Variants in NCOR1 observed in about 807,000 individuals in gnomAD.
NCOR1 encodes the protein protein phosphatase 1, regulatory subunit 109.
In NCOR1, 63 loss-of-function variants were observed where a neutral mutation model predicts 288.1. That is an observed-to-expected ratio of 0.22 (90% CI 0.18 to 0.27). The LOEUF is 0.27. NCOR1 is among the 10% of genes least tolerant of loss of function. The probability of loss-of-function intolerance (pLI) is 1.00; values close to 1 mark genes in which losing one functional copy is unlikely to be tolerated. For missense variants in NCOR1, 2,397 were observed against 3,019.2 expected, an observed-to-expected ratio of 0.79 and a Z score of 4.83; for synonymous variants, 1,007 against 1,065.9, an observed-to-expected ratio of 0.94 and a Z score of 1.08.
rs752015595 is a variant in NCOR1, at chr17:16,054,070, T to TAA, written c.6392+3442_6392+3443dup. Among the ~76,000 whole-genome samples, 298 of 72,054 alleles carry TAA rather than the reference T, an allele frequency of 4.1e-3. 3 individuals are homozygous for TAA. The highest frequency in any genetic ancestry group is 0.014 in the East Asian group (39 of 2,726). The allele number at this position is 72,054 out of a possible 152,430, so 47.3% of individuals were successfully genotyped here. ...TCAAGATGGATTAAAGACTTAAATG[T>TAA]AAAAAAAAAAAAAAAAAAAAAAACT... is the stretch of plus-strand genomic sequence containing the variant. On this transcript the variant is annotated intron_variant, in intron 40 of 45. Coordinates refer to ENST00000268712, the MANE Select transcript of NCOR1 (RefSeq NM_006311.4).
rs59665102 is a variant in NCOR1 at position 16,183,230 on chromosome 17, C to CAA, written c.242+3322_242+3323dup. On this transcript the variant is annotated intron_variant, in intron 3 of 45. Transcript: ENST00000268712. ...AGAAGTACTAGCAAGAGCAATCAAA[C>CAA]AAAAAAAAAAAAAAAGAAAAGAAAA... is the stretch of plus-strand genomic sequence containing the variant. 3.2e-3 allele frequency among the ~76,000 whole-genome samples: 205 copies of CAA among 64,092 alleles called. 2 individuals carry two copies. Among genetic ancestry groups the CAA allele is most frequent in the African/African-American group, 8.7e-3 (190 of 21,766 alleles). 42.0% of individuals were successfully genotyped at this position (64,092 alleles called of 152,430 possible).
At chr17:16,145,268 G>A (rs1249343212) in intron 10 of NCOR1, among the ~76,000 whole-genome samples, 2 of 152,310 alleles carry the variant, frequency 1.3e-5, no homozygotes, top group Admixed American at 6.5e-5. Flanking sequence ...CCTCCCAGCC[G>A]CCTGCCTTGG....
chr17:16,104,401 G>A (rs541264424), intron 19 of NCOR1, among the ~76,000 whole-genome samples: 7 of 152,260 alleles, frequency 4.6e-5, no homozygotes, highest in South Asian at 2.1e-4. Flanking sequence ...GAGGTACCAC[G>A]GACACAGCAA....
rs2065538360 is a variant in NCOR1 at position 16,092,683 on chromosome 17, ATATATATATATATTTTTTTTT to A, written c.2821-646_2821-626del. ...TATATATATATATATATATATATAT[ATATATATATATATTTTTTTTT>A]TTTTTTTTTTTTAAGACATAGTCTC... On this transcript the variant is annotated intron_variant, in intron 21 of 45. Transcript: ENST00000268712. Among the ~76,000 whole-genome samples the A allele has an allele frequency of 6.2e-4, 11 of 17,834 alleles. 1 individual carries two copies. Among genetic ancestry groups the A allele is most frequent in the South Asian group, 6.8e-3 (2 of 296 alleles). The allele number at this position is 17,834 out of a possible 152,430, so 11.7% of individuals were successfully genotyped here. A position where few individuals can be genotyped will look rare whatever the true frequency, so the allele number is the denominator to read the frequency against.
intron 33 of NCOR1, 43 bp downstream of exon 33, chr17:16,065,442 A>G: frequency 6.3e-7 from 1 of 1,592,442 alleles, no homozygotes; most frequent in Non-Finnish European, 8.6e-7. Context: ...ACACTAGGTA[A>G]ACATAATAAA....
At position 16,171,945 on chromosome 17, in the gene NCOR1, G is replaced by A. The variant is rs775206661; in HGVS notation, c.293C>T (p.Pro98Leu). 1.2e-6 allele frequency: 2 copies of A among 1,610,360 alleles called. No individual in the cohort carries two copies. The highest frequency in any genetic ancestry group is 2.7e-5 in the African/African-American group (2 of 74,664). The part of the protein sequence containing the change: ...SYEPFHPGPS[P>L]VDHDSLESKR... ...CGATTCCAGTGAATCATGATCCACTGGGGATGGGCCTGGATGAAACGGTTC... is the reference window on the plus strand; with the variant it reads ...CGATTCCAGTGAATCATGATCCACTAGGGATGGGCCTGGATGAAACGGTTC... The change falls in exon 4 of 46, where the codon CCA (proline) becomes CTA (leucine). Residue 98 changes from proline to leucine, a missense_variant. Transcript: ENST00000268712.
intron 25 of NCOR1, 30 bp from the exon 26 acceptor site, chr17:16,080,094 A>G: frequency 6.3e-7 from 1 of 1,578,342 alleles, no homozygotes; most frequent in Non-Finnish European, 8.7e-7. Flanking sequence ...TTAGCAAATT[A>G]CACCCCCAGC....
chr17:16,127,655 A>G (rs1451495568), intron 14 of NCOR1, among the ~76,000 whole-genome samples: 1 of 147,458 alleles, frequency 6.8e-6, no homozygotes, highest in Non-Finnish European at 1.5e-5. Flanking sequence ...GTATGTGTAT[A>G]TATACATATA....
chr17:16,113,663 C>A (rs530099788), intron 18 of NCOR1, among the ~76,000 whole-genome samples: 1 of 152,282 alleles, frequency 6.6e-6, no homozygotes, highest in Admixed American at 6.5e-5. Context: ...AAGGCTGAGG[C>A]AGGCAGATCA....
At chr17:16,212,483 T>A (rs564560797) in intron 1 of NCOR1, among the ~76,000 whole-genome samples, 2 of 152,266 alleles carry the variant, frequency 1.3e-5, no homozygotes, top group East Asian at 3.9e-4. Flanking sequence ...GATCAATCTT[T>A]ACTAGTTGTT....
intron 22 of NCOR1, among the ~76,000 whole-genome samples, chr17:16,088,865 T>C (rs2064690202): frequency 6.6e-6 from 1 of 152,096 alleles, no homozygotes; most frequent in South Asian, 2.1e-4. Context: ...AAGGACTGGG[T>C]GTGGAATTTC....
chr17:16,054,442 G>C (rs1423930643), intron 40 of NCOR1, among the ~76,000 whole-genome samples: 1 of 152,176 alleles, frequency 6.6e-6, no homozygotes, highest in Non-Finnish European at 1.5e-5. Context: ...AGCTGATGTG[G>C]GACAATCACC....
chr17:16,079,822 C>G (rs947748044), intron 26 of NCOR1, 142 bp downstream of exon 26: 1 of 595,692 alleles, frequency 1.7e-6, no homozygotes, highest in Non-Finnish European at 3.0e-6. Flanking sequence ...TCTGTGGAGA[C>G]AGTTTGCAGA....
intron 1 of NCOR1, chr17:16,198,701 G>A (rs2090294167): frequency 6.6e-6 from 1 of 151,656 alleles, no homozygotes; most frequent in South Asian, 2.1e-4. Flanking sequence ...ACTCCAGCCT[G>A]GGCAACAAGA....
chr17:16,149,151 T>C lies in NCOR1; in HGVS notation c.909+300A>G, dbSNP rs555215739. 2.2e-4 allele frequency among the ~76,000 whole-genome samples: 34 copies of C among 152,098 alleles called. No individual in the cohort carries two copies. The South Asian group carries it at 6.8e-3, about 31-fold the overall frequency. ...ACTGTTTGAGGCTTAAGAAACTAAA[T>C]TATCTTTCATATTCTTTTAAACTAC... On this transcript the variant is annotated intron_variant, in intron 9 of 45. Transcript: ENST00000268712.
intron 23 of NCOR1, among the ~76,000 whole-genome samples, chr17:16,084,627 C>T (rs1304989021): frequency 6.6e-6 from 1 of 152,172 alleles, no homozygotes; most frequent in Non-Finnish European, 1.5e-5. Context: ...ACAAGTAGAT[C>T]AGTGGAACAG....
Position 16,030,204 on chromosome 17 carries a change from C to A in NCOR1, c.*2092G>T. 4.4e-6 allele frequency: 1 copy of A among 226,492 alleles called. No individual in the cohort carries two copies. Among genetic ancestry groups the A allele is most frequent in the Non-Finnish European group, 8.6e-6 (1 of 116,384 alleles). 14.0% of individuals were successfully genotyped at this position (226,492 alleles called of 1,614,324 possible). On this transcript the variant is annotated 3_prime_UTR_variant, in exon 46 of 46. Transcript: ENST00000268712. ...AGGAAGAGAAAATATATTTACTATT[C>A]ATTAAGTGGAAGTGGATCATCATGA...
chr17:16,040,868 T>C (rs1029815053), intron 42 of NCOR1: 1 of 192,974 alleles, frequency 5.2e-6, no homozygotes, highest in Non-Finnish European at 1.1e-5. Context: ...TCCCATCTGT[T>C]TACCAAAAAT....
At position 16,200,495 on chromosome 17, in the gene NCOR1, C is replaced by CA. The variant is rs55957034; in HGVS notation, c.-70-5857dup. On this transcript the variant is annotated intron_variant, in intron 1 of 45. Transcript: ENST00000268712. ...TTGACAACAGAGCGAGACTCCATCT[C>CA]AAAAAAAAAAAAAAAAAAAAAAAAA... Among the ~76,000 whole-genome samples the CA allele has an allele frequency of 6.0e-3, 361 of 60,642 alleles. 11 individuals are homozygous for CA. Among genetic ancestry groups the CA allele is most frequent in the African/African-American group, 0.013 (197 of 14,882 alleles). The allele number at this position is 60,642 out of a possible 152,430, so 39.8% of individuals were successfully genotyped here.
Sources: allele counts gnomAD v4.1 joint callset (sites outside exome capture counted in the v4.1 genomes callset), GRCh38; gene constraint gnomAD v4.1.1; transcripts MANE v1.5; gene names NCBI Gene and HGNC (gene_info 2026-07-23, HGNC 2026-07-21).